Variants in EPM2AIP1 observed in about 807,000 individuals in gnomAD.
The protein encoded by EPM2AIP1 is EPM2A interacting protein 1.
In EPM2AIP1, 23 loss-of-function variants were observed where a neutral mutation model predicts 44.8. That is an observed-to-expected ratio of 0.51 (90% confidence interval 0.37 to 0.73). The LOEUF (loss-of-function observed/expected upper bound fraction) is 0.73, where lower values mean the gene tolerates loss of function less well. EPM2AIP1 is among the 30% of genes least tolerant of loss of function. EPM2AIP1 has a pLI of 0.00. For missense variants in EPM2AIP1, 652 were observed against 743.9 expected, an observed-to-expected ratio of 0.88 and a Z score of 1.44; for synonymous variants, 311 against 284.3, an observed-to-expected ratio of 1.09 and a Z score of -0.94.
In EPM2AIP1 at chr3:36,993,035, C is replaced by G. The variant is rs994092418; in HGVS notation, c.43G>C (p.Ala15Pro). The change falls in exon 1 of 1, where the codon GCT becomes CCT. Residue 15 changes from alanine to proline, a missense_variant. Transcript: ENST00000322716. ...GTCCACTCGGGCCGGAAAACTAGAG[C>G]CTCGTCGACTTCCATCTTGCTTCTT... ...PKRSKMEVDE[A>P]LVFRPEWTQR... 2 of 1,611,330 alleles carry G rather than the reference C, an allele frequency of 1.2e-6. No individual in the cohort carries two copies. Among genetic ancestry groups the G allele is most frequent in the Non-Finnish European group, 1.7e-6 (2 of 1,178,782 alleles).
Position 36,991,489 on chromosome 3 carries a change from G to A in EPM2AIP1, c.1589C>T (p.Ala530Val). The part of the protein sequence containing the change: ...YRIKDLGQFY[A>V]GLSAESYPII... ...TGGGTAGGATTCAGCAGACAATCCAGCATAAAACTGCCCCAAGTCTTTGAT... is the reference window on the plus strand; with the variant it reads ...TGGGTAGGATTCAGCAGACAATCCAACATAAAACTGCCCCAAGTCTTTGAT... The change falls in exon 1 of 1, where the codon GCT becomes GTT. Residue 530 changes from alanine to valine, a missense_variant. Transcript: ENST00000322716. 2 of 1,613,850 alleles carry A rather than the reference G, an allele frequency of 1.2e-6. No individual in the cohort carries two copies. The highest frequency in any genetic ancestry group is 1.7e-6 in the Non-Finnish European group (2 of 1,179,806).
At position 36,991,800 on chromosome 3, in the gene EPM2AIP1, A is replaced by C; in HGVS notation, c.1278T>G (p.Ile426Met). 2 of 1,613,360 alleles carry C rather than the reference A, an allele frequency of 1.2e-6. No individual in the cohort carries two copies. Among genetic ancestry groups the C allele is most frequent in the East Asian group, 2.2e-5 (1 of 44,872 alleles). ...GAAAGTCTGTTAGATTTTTTTCCTC[A>C]ATATGTCTTTGAAATAAATTCAGCT... ...EVKLNLFQRH[I>M]EEKNLTDFPA... The change falls in exon 1 of 1, where the codon ATT becomes ATG. Residue 426 changes from isoleucine (I) to methionine (M), a missense_variant. Physicochemically the swap from Ile to Met is conservative, Grantham distance 10 (BLOSUM62 1). Coordinates refer to ENST00000322716, the MANE Select transcript of EPM2AIP1 (RefSeq NM_014805.4).
Position 36,987,083 on chromosome 3 carries a change from CT to C in EPM2AIP1, c.*4170del, listed in dbSNP as rs2080773667. ...AGAAGTATACATTAACTAGATGTCA[CT>C]TTTGGGTCATCTCCCTTTGGGTGAT... is the stretch of plus-strand genomic sequence containing the variant. On this transcript the variant is annotated 3_prime_UTR_variant, in exon 1 of 1. Transcript: ENST00000322716. 1 of 152,596 alleles carries C rather than the reference CT, an allele frequency of 6.6e-6. No homozygotes were observed. Among genetic ancestry groups the C allele is most frequent in the Admixed American group, 6.5e-5 (1 of 15,278 alleles). 9.5% of individuals were successfully genotyped at this position (152,596 alleles called of 1,614,324 possible).
rs1359895947 is a variant in EPM2AIP1, at chr3:36,989,121, C to T, written c.*2133G>A. On this transcript the variant is annotated 3_prime_UTR_variant, in exon 1 of 1. Coordinates refer to ENST00000322716, the MANE Select transcript of EPM2AIP1 (RefSeq NM_014805.4). Reference sequence around the variant, plus strand: ...ATGATGCAAACTAATTTTATTAACACCTTAAGCAAAACATACTGGAATTTC... The same window carrying T: ...ATGATGCAAACTAATTTTATTAACATCTTAAGCAAAACATACTGGAATTTC... 4 of 151,326 alleles carry T rather than the reference C, an allele frequency of 2.6e-5. No homozygotes were observed. The highest frequency in any genetic ancestry group is 2.0e-4 in the Admixed American group (3 of 15,182). 9.4% of individuals were successfully genotyped at this position (151,326 alleles called of 1,614,324 possible).
rs779288621 is a variant in EPM2AIP1, at chr3:36,992,565, G to T, written c.513C>A (p.Asp171Glu). 1.3e-5 allele frequency: 21 copies of T among 1,613,912 alleles called. No homozygotes were observed. The African/African-American group carries it at 2.1e-4, about 16-fold the overall frequency. ...LRNQLFNRAR[D>E]FKAYSLALDD... is the part of the protein sequence containing the mutation. ...CCAAGGCAAGAGAATAGGCTTTAAA[G>T]TCCCTGGCTCGGTTAAAAAGCTGGT... The change falls in exon 1 of 1, where the codon GAC becomes GAA. Residue 171 changes from aspartate to glutamate, a missense_variant. Physicochemically the swap from Asp to Glu is conservative, Grantham distance 45 (BLOSUM62 2). Coordinates refer to ENST00000322716, the MANE Select transcript of EPM2AIP1 (RefSeq NM_014805.4). The surrounding 1 kb of genome is among the most constrained non-coding windows in gnomAD (Gnocchi z 5.3).
At position 36,988,796 on chromosome 3, in the gene EPM2AIP1, CTAG is replaced by C. The variant is rs1351832113; in HGVS notation, c.*2455_*2457del. On this transcript the variant is annotated 3_prime_UTR_variant, in exon 1 of 1. Coordinates refer to ENST00000322716, the MANE Select transcript of EPM2AIP1 (RefSeq NM_014805.4). ...TGGGAATACAAATCTGTCAAGAAAACTAGTAGGAATGAGCTATAGGACAGTAAC... is the reference window on the plus strand; with the variant it reads ...TGGGAATACAAATCTGTCAAGAAAACTAGGAATGAGCTATAGGACAGTAAC... 1.3e-5 allele frequency: 2 copies of C among 151,270 alleles called. No homozygotes were observed. The highest frequency in any genetic ancestry group is 3.9e-4 in the East Asian group (2 of 5,160). The allele number at this position is 151,270 out of a possible 1,614,324, so 9.4% of individuals were successfully genotyped here. A position where few individuals can be genotyped will look rare whatever the true frequency, so the allele number is the denominator to read the frequency against.
rs369929465 is a variant in EPM2AIP1 at position 36,993,124 on chromosome 3, G to T, written c.-47C>A. On this transcript the variant is annotated 5_prime_UTR_variant, in exon 1 of 1. Coordinates refer to ENST00000322716, the MANE Select transcript of EPM2AIP1 (RefSeq NM_014805.4). ...AGGGCCAACGTTAGAAAGGCCGCAAGGGGAGAGGAGGAGCCTGAGAAGCGC... is the reference window on the plus strand; with the variant it reads ...AGGGCCAACGTTAGAAAGGCCGCAATGGGAGAGGAGGAGCCTGAGAAGCGC... 1.3e-6 allele frequency: 2 copies of T among 1,550,186 alleles called. No homozygotes were observed. The highest frequency in any genetic ancestry group is 2.3e-5 in the East Asian group (1 of 44,302).
Position 36,986,642 on chromosome 3 carries a change from T to G in EPM2AIP1, c.*4612A>C, listed in dbSNP as rs2080770957. ...CATAAAAATACAAAAATTAGCTGGG[T>G]GTACTCGTGTATACCTGTATTCCCA... On this transcript the variant is annotated 3_prime_UTR_variant, in exon 1 of 1. Coordinates refer to ENST00000322716, the MANE Select transcript of EPM2AIP1 (RefSeq NM_014805.4). The G allele has an allele frequency of 6.6e-6, 1 of 151,674 alleles. No individual in the cohort carries two copies. The highest frequency in any genetic ancestry group is 2.4e-5 in the African/African-American group (1 of 41,256). 9.4% of individuals were successfully genotyped at this position (151,674 alleles called of 1,614,324 possible).
chr3:36,991,045 TA>T lies in EPM2AIP1; in HGVS notation c.*208del. On this transcript the variant is annotated 3_prime_UTR_variant, in exon 1 of 1. Transcript: ENST00000322716. ...ATGACTTTGTCACTAAACTAAGTTT[TA>T]AAAAAGGTGGCATTCTCATGTTTCA... 7.9e-7 allele frequency: 1 copy of T among 1,259,886 alleles called. No individual in the cohort carries two copies. Among genetic ancestry groups the T allele is most frequent in the East Asian group, 3.0e-5 (1 of 33,332 alleles). The allele number at this position is 1,259,886 out of a possible 1,614,324, so 78.0% of individuals were successfully genotyped here.
At position 36,985,908 on chromosome 3, in the gene EPM2AIP1, C is replaced by T. The variant is rs1306881253; in HGVS notation, c.*5346G>A. 4 of 152,198 alleles carry T rather than the reference C, an allele frequency of 2.6e-5. No individual in the cohort carries two copies. The highest frequency in any genetic ancestry group is 9.6e-5 in the African/African-American group (4 of 41,454). The allele number at this position is 152,198 out of a possible 1,614,324, so 9.4% of individuals were successfully genotyped here. A position where few individuals can be genotyped will look rare whatever the true frequency, so the allele number is the denominator to read the frequency against. On this transcript the variant is annotated 3_prime_UTR_variant, in exon 1 of 1. Transcript: ENST00000322716. ...TTATTTAGATAAATAAGGAGCTAGA[C>T]AGATTTTGCCCATGGACCATAGTTT...
At position 36,986,604 on chromosome 3, in the gene EPM2AIP1, G is replaced by A. The variant is rs563806852; in HGVS notation, c.*4650C>T. The A allele has an allele frequency of 6.6e-6, 1 of 151,798 alleles. No homozygotes were observed. The highest frequency in any genetic ancestry group is 2.4e-5 in the African/African-American group (1 of 41,378). The allele number at this position is 151,798 out of a possible 1,614,324, so 9.4% of individuals were successfully genotyped here. A position where few individuals can be genotyped will look rare whatever the true frequency, so the allele number is the denominator to read the frequency against. On this transcript the variant is annotated 3_prime_UTR_variant, in exon 1 of 1. Coordinates refer to ENST00000322716, the MANE Select transcript of EPM2AIP1 (RefSeq NM_014805.4). ...GAGACTAGCCTGGGGAATACAGCAA[G>A]ACCCTGTCTCCACATAAAAATACAA...
chr3:36,990,620 A>G lies in EPM2AIP1; in HGVS notation c.*634T>C. On this transcript the variant is annotated 3_prime_UTR_variant, in exon 1 of 1. Coordinates refer to ENST00000322716, the MANE Select transcript of EPM2AIP1 (RefSeq NM_014805.4). Reference sequence around the variant, plus strand: ...ATGAAGTCTCCTATATCTGAAACTTAAAAATGATTCTAATGACTTCCTCTA... The same window carrying G: ...ATGAAGTCTCCTATATCTGAAACTTGAAAATGATTCTAATGACTTCCTCTA... The G allele has an allele frequency of 1.0e-6, 1 of 985,606 alleles. No individual in the cohort carries two copies. Among genetic ancestry groups the G allele is most frequent in the Non-Finnish European group, 1.2e-6 (1 of 829,722 alleles). 61.1% of individuals were successfully genotyped at this position (985,606 alleles called of 1,614,324 possible).
chr3:36,987,372 A>G lies in EPM2AIP1; in HGVS notation c.*3882T>C, dbSNP rs2125687232. ...ACATTTAGTAAAAACATATTGTTTT[A>G]GTTCACTAAGTAGTTGTCTAATCTT... On this transcript the variant is annotated 3_prime_UTR_variant, in exon 1 of 1. Coordinates refer to ENST00000322716, the MANE Select transcript of EPM2AIP1 (RefSeq NM_014805.4). 1 of 151,820 alleles carries G rather than the reference A, an allele frequency of 6.6e-6. No individual in the cohort carries two copies. Among genetic ancestry groups the G allele is most frequent in the East Asian group, 1.9e-4 (1 of 5,168 alleles). The allele number at this position is 151,820 out of a possible 1,614,324, so 9.4% of individuals were successfully genotyped here. A position where few individuals can be genotyped will look rare whatever the true frequency, so the allele number is the denominator to read the frequency against.
At position 36,991,351 on chromosome 3, in the gene EPM2AIP1, G is replaced by C; in HGVS notation, c.1727C>G (p.Thr576Arg). 6.2e-7 allele frequency: 1 copy of C among 1,614,000 alleles called. No homozygotes were observed. Residue 576 changes from threonine (T) to arginine (R), a missense_variant, in exon 1 of 1, where the codon ACA (threonine) becomes AGA (arginine). Physicochemically the swap from Thr to Arg is moderately conservative, Grantham distance 71. Coordinates refer to ENST00000322716, the MANE Select transcript of EPM2AIP1 (RefSeq NM_014805.4). ...AAACAGGGCTTGGAGATGCTCATCT[G>C]TTAATGGCTGACTCAAAGTGTGTTG... is the stretch of plus-strand genomic sequence containing the variant. ...RNQHTLSQPL[T>R]DEHLQALFRV... is the part of the protein sequence containing the mutation.
rs1411012443 is a variant in EPM2AIP1 at position 36,992,771 on chromosome 3, C to G, written c.307G>C (p.Gly103Arg). 1.2e-6 allele frequency: 2 copies of G among 1,613,630 alleles called. No individual in the cohort carries two copies. The highest frequency in any genetic ancestry group is 1.1e-5 in the South Asian group (1 of 91,090). ...PEERAARAGLGLCRLLALKGR... is the reference protein window; with the variant it reads ...PEERAARAGLRLCRLLALKGR... ...TTCAAGGCCAAGAGGCGGCAGAGCC[C>G]GAGGCCTGCACGAGCAGCTCTCTCT... The change falls in exon 1 of 1, where the codon GGG becomes CGG. Residue 103 changes from glycine (G) to arginine (R), a missense_variant. Gly to Arg is a moderately radical substitution (Grantham distance 125, BLOSUM62 -2). Coordinates refer to ENST00000322716, the MANE Select transcript of EPM2AIP1 (RefSeq NM_014805.4). The surrounding 1 kb of genome is among the most constrained non-coding windows in gnomAD (Gnocchi z 5.3).
rs369929465 is a variant in EPM2AIP1 at position 36,993,124 on chromosome 3, G to A, written c.-47C>T. On this transcript the variant is annotated 5_prime_UTR_variant, in exon 1 of 1. Coordinates refer to ENST00000322716, the MANE Select transcript of EPM2AIP1 (RefSeq NM_014805.4). ...AGGGCCAACGTTAGAAAGGCCGCAA[G>A]GGGAGAGGAGGAGCCTGAGAAGCGC... 6.8e-5 allele frequency: 105 copies of A among 1,550,186 alleles called. No homozygotes were observed. The highest frequency in any genetic ancestry group is 3.5e-4 in the Middle Eastern group (2 of 5,728).
Position 36,992,097 on chromosome 3 carries a change from T to C in EPM2AIP1, c.981A>G (p.Ser327=), listed in dbSNP as rs771175042. Residue 327 remains serine, a synonymous_variant, in exon 1 of 1, where the codon TCA becomes TCG. Coordinates refer to ENST00000322716, the MANE Select transcript of EPM2AIP1 (RefSeq NM_014805.4). This position sits in a 1 kb window ranked among gnomAD's most constrained non-coding sequence, Gnocchi z 5.3. ...EFQTLLTESE[S]EHGERVNGRC... ...GTCCATTAACCCTTTCACCATGCTC[T>C]GATTCAGATTCCGTTAGTAAAGTCT... 1.9e-6 allele frequency: 3 copies of C among 1,614,066 alleles called. No homozygotes were observed. Among genetic ancestry groups the C allele is most frequent in the Non-Finnish European group, 2.5e-6 (3 of 1,179,902 alleles).
In EPM2AIP1 at chr3:36,992,581, A is replaced by C; in HGVS notation, c.497T>G (p.Phe166Cys). The change falls in exon 1 of 1, where the codon TTT (phenylalanine) becomes TGT (cysteine). Residue 166 changes from phenylalanine to cysteine, a missense_variant. Coordinates refer to ENST00000322716, the MANE Select transcript of EPM2AIP1 (RefSeq NM_014805.4). This position sits in a 1 kb window ranked among gnomAD's most constrained non-coding sequence, Gnocchi z 5.3. ...SIDRNLRNQL[F>C]NRARDFKAYS... The stretch of plus-strand genomic sequence containing the variant: ...GGCTTTAAAGTCCCTGGCTCGGTTA[A>C]AAAGCTGGTTGCGTAGATTCCTGTC... 1 of 1,614,036 alleles carries C rather than the reference A, an allele frequency of 6.2e-7. No homozygotes were observed.
rs771097590 is a variant in EPM2AIP1 at position 36,992,329 on chromosome 3, A to G, written c.749T>C (p.Leu250Ser). The G allele has an allele frequency of 3.7e-6, 6 of 1,613,814 alleles. No individual in the cohort carries two copies. The African/African-American group carries it at 5.3e-5, about 14-fold the overall frequency. Residue 250 changes from leucine (L) to serine (S), a missense_variant, in exon 1 of 1, where the codon TTG (leucine) becomes TCG (serine). By Grantham distance (145) the Leu-to-Ser change is moderately radical. Coordinates refer to ENST00000322716, the MANE Select transcript of EPM2AIP1 (RefSeq NM_014805.4). The surrounding 1 kb of genome is among the most constrained non-coding windows in gnomAD (Gnocchi z 5.3). ...RMVGLTTTHT[L>S]RMIGENSGLV... ...TCCTGAGTTCTCACCAATCATCCTC[A>G]AAGTATGGGTCGTGGTCAGTCCAAC...
Sources: gnomAD v4.1 joint callset for allele counts on GRCh38, gnomAD v4.1.1 for gene constraint, Gnocchi (gnomAD v3.1) non-coding constraint, MANE v1.5 for transcripts, NCBI Gene and HGNC (gene_info 2026-07-23, HGNC 2026-07-21) for gene names.